Variants in FRMD4A observed in about 807,000 individuals in gnomAD.
FRMD4A encodes the protein FERM domain containing 4A, also known as FERM domain-containing protein 4A.
Under a neutral mutation model 129.1 loss-of-function variants are expected in FRMD4A, and 29 were observed. The observed-to-expected ratio is 0.22, with a 90% CI of 0.17 to 0.31. FRMD4A has a LOEUF of 0.31. FRMD4A is among the 10% of genes least tolerant of loss of function. The pLI is 1.00. For missense variants in FRMD4A, 1,272 were observed against 1,375.8 expected (o/e 0.92, Z 1.19); for synonymous variants, 634 against 571.6 (o/e 1.11, Z -1.56).
chr10:14,179,876 A>G (rs1340810976), intron 2 of FRMD4A, among the ~76,000 whole-genome samples: 2 of 152,176 alleles, frequency 1.3e-5, no homozygotes, highest in African/African-American at 2.4e-5. Flanking sequence ...TCAACTAAAA[A>G]TATACAAATT....
At chr10:13,684,647 A>G (rs938966558) in intron 15 of FRMD4A, 4 of 985,372 alleles carry the variant, frequency 4.1e-6, no homozygotes, top group Non-Finnish European at 4.8e-6. Flanking sequence ...ATATGAGCGC[A>G]CATTCTGCCA....
At chr10:13,861,112 C>T (rs1169531275) in intron 2 of FRMD4A, among the ~76,000 whole-genome samples, 1 of 152,192 alleles carries the variant, frequency 6.6e-6, no homozygotes, top group Non-Finnish European at 1.5e-5. Flanking sequence ...TCAGTCCCAC[C>T]CAGTGGCCAG....
chr10:14,160,027 G>A (rs972527374), intron 2 of FRMD4A, among the ~76,000 whole-genome samples: 5 of 152,180 alleles, frequency 3.3e-5, no homozygotes, highest in Non-Finnish European at 4.4e-5. Flanking sequence ...TCCAGCCTGG[G>A]CAACAGAGCA....
chr10:13,890,908 AAC>A (rs2094687896), intron 2 of FRMD4A: 2 of 964,402 alleles, frequency 2.1e-6, no homozygotes, highest in South Asian at 4.8e-5. Context: ...TGAATGTACG[AAC>A]AGTTACTCTG....
intron 6 of FRMD4A, among the ~76,000 whole-genome samples, chr10:13,764,184 C>CGTGTGTGTGTGTGTGTGTGTGTGT (rs369852562): frequency 7.1e-6 from 1 of 141,596 alleles, no homozygotes; most frequent in East Asian, 2.1e-4. Context: ...CAAAGATTTC[C>CGTGTGTGTGTGTGTGTGTGTGTGT]GTGTGTGTGT....
chr10:14,330,455 G>T, intron 1 of FRMD4A, 142 bp downstream of exon 1: 2 of 399,812 alleles, frequency 5.0e-6, no homozygotes, highest in South Asian at 8.6e-5. Context: ...TGCTACCTTC[G>T]CCCTGGCAGC....
Position 14,220,622 on chromosome 10 carries a change from G to A in FRMD4A, c.45+109436C>T, listed in dbSNP as rs77709743. ...AATTCACTTATCTTGAAAGCTTTCT[G>A]ATTCTGCAGTAAATGACTCTTAAAT... is the stretch of plus-strand genomic sequence containing the variant. On this transcript the variant is annotated intron_variant, in intron 2 of 24. Coordinates refer to ENST00000357447, the MANE Select transcript of FRMD4A (RefSeq NM_018027.5). Among the ~76,000 whole-genome samples, 546 of 152,280 alleles carry A rather than the reference G, an allele frequency of 3.6e-3. 4 individuals are homozygous for A. Among genetic ancestry groups the A allele is most frequent in the African/African-American group, 0.011 (459 of 41,564 alleles).
At chr10:13,726,984 C>A (rs1469016380) in intron 12 of FRMD4A, among the ~76,000 whole-genome samples, 1 of 152,150 alleles carries the variant, frequency 6.6e-6, no homozygotes, top group Admixed American at 6.5e-5. Context: ...GCCACTGCAA[C>A]CTCTGCCTCC....
chr10:13,798,846 G>A (rs1217470825), intron 4 of FRMD4A, among the ~76,000 whole-genome samples: 1 of 152,224 alleles, frequency 6.6e-6, no homozygotes, highest in Non-Finnish European at 1.5e-5. Context: ...GGGTGCCAAT[G>A]TCATCTCTGC....
At chr10:14,115,075 C>G (rs1046552011) in intron 2 of FRMD4A, among the ~76,000 whole-genome samples, 1 of 152,156 alleles carries the variant, frequency 6.6e-6, no homozygotes, top group Non-Finnish European at 1.5e-5. Context: ...CTTAGACCAC[C>G]TAGGATATTC....
At chr10:14,152,116 G>A (rs10160120) in intron 2 of FRMD4A, among the ~76,000 whole-genome samples, 7 of 98,132 alleles carry the variant, frequency 7.1e-5, no homozygotes, top group African/African-American at 2.1e-4. Context: ...TTTGTGTAGT[G>A]CTTTTTTTTT....
Position 13,851,907 on chromosome 10 carries a change from A to T in FRMD4A, c.111+6940T>A, listed in dbSNP as rs1038755410. On this transcript the variant is annotated intron_variant, in intron 3 of 24. Coordinates refer to ENST00000357447, the MANE Select transcript of FRMD4A (RefSeq NM_018027.5). ...AAGCAAGACTCTGTCTCAAAAATTA[A>T]AAAAAAAAAAAAGATTCTAATGCCT... Among the ~76,000 whole-genome samples, 6 of 7,222 alleles carry T rather than the reference A, an allele frequency of 8.3e-4. 1 individual carries two copies. In the Middle Eastern group the frequency reaches 0.3, roughly 361 times the overall value. 4.7% of individuals were successfully genotyped at this position (7,222 alleles called of 152,430 possible).
intron 2 of FRMD4A, among the ~76,000 whole-genome samples, chr10:14,086,561 C>T (rs968273): frequency 0.34 from 51,733 of 152,002 alleles, 9,064 homozygotes; most frequent in East Asian, 0.42. Context: ...ATAAACTCTT[C>T]TCATCTCCAG....
At chr10:13,726,244 A>G (rs1474795287) in intron 12 of FRMD4A, among the ~76,000 whole-genome samples, 1 of 152,230 alleles carries the variant, frequency 6.6e-6, no homozygotes, top group African/African-American at 2.4e-5. Flanking sequence ...ACTGCATTCC[A>G]GCCTGGGAGA....
At chr10:14,091,922 ATAT>A (rs1348680567) in intron 2 of FRMD4A, among the ~76,000 whole-genome samples, 1 of 152,248 alleles carries the variant, frequency 6.6e-6, no homozygotes, top group Non-Finnish European at 1.5e-5. Flanking sequence ...GGAAATGAAC[ATAT>A]TATTACAAGC....
chr10:14,081,639 C>T (rs1164581643), intron 2 of FRMD4A, among the ~76,000 whole-genome samples: 1 of 152,176 alleles, frequency 6.6e-6, no homozygotes, highest in Non-Finnish European at 1.5e-5. Context: ...TCATAATAAT[C>T]CAGAGCTATG....
intron 2 of FRMD4A, among the ~76,000 whole-genome samples, chr10:14,315,255 A>C (rs1846696356): frequency 6.6e-6 from 1 of 152,088 alleles, no homozygotes; most frequent in Non-Finnish European, 1.5e-5. Flanking sequence ...CCAGCCCATA[A>C]TCTTCTCAAG....
intron 2 of FRMD4A, among the ~76,000 whole-genome samples, chr10:14,185,570 C>A (rs78709468): frequency 1.3e-5 from 2 of 152,080 alleles, no homozygotes; most frequent in Non-Finnish European, 2.9e-5. Flanking sequence ...TTTAAAGGTT[C>A]AATCTCGTCT....
At chr10:14,225,837 G>A (rs376776000) in intron 2 of FRMD4A, among the ~76,000 whole-genome samples, 5 of 152,178 alleles carry the variant, frequency 3.3e-5, no homozygotes, top group South Asian at 2.1e-4. Flanking sequence ...ATAAACTGGC[G>A]TTTGGGTTCT....
Sources: gnomAD v4.1 joint callset for allele counts (sites outside exome capture counted in the v4.1 genomes callset) on GRCh38, gnomAD v4.1.1 for gene constraint, MANE v1.5 for transcripts, NCBI Gene and HGNC (gene_info 2026-07-23, HGNC 2026-07-21) for gene names.